The following EFCAB3 variants were observed in gnomAD, a reference collection of about 807,000 sequenced individuals.
The protein encoded by EFCAB3 is EF-hand calcium binding domain 3.
In EFCAB3, 36 loss-of-function variants were observed where a neutral mutation model predicts 42.2. The ratio of observed to expected loss-of-function variants is 0.85; its 90% CI spans 0.65 to 1.13. The LOEUF is 1.13. Ranked by LOEUF, EFCAB3 falls within the 50% of genes most tolerant of loss-of-function variation. The probability of loss-of-function intolerance (pLI) is 0.00; values close to 1 mark genes in which losing one functional copy is unlikely to be tolerated. For missense variants in EFCAB3, 418 were observed against 505.1 expected (o/e 0.83, Z 1.65); for synonymous variants, 170 against 172.8 (o/e 0.98, Z 0.13).
chr17:62,399,634 C>T (rs2070383761), intron 6 of EFCAB3, among the ~76,000 whole-genome samples: 1 of 152,050 alleles, frequency 6.6e-6, no homozygotes, highest in African/African-American at 2.4e-5. Context: ...CTTGCTTTTC[C>T]CTCTATCTGG....
chr17:62,388,785 G>T (rs9896974), intron 3 of EFCAB3, among the ~76,000 whole-genome samples: 1 of 152,098 alleles, frequency 6.6e-6, no homozygotes, highest in African/African-American at 2.4e-5. Flanking sequence ...ATTTCGGTTT[G>T]GAAAACACAA....
intron 4 of EFCAB3, among the ~76,000 whole-genome samples, chr17:62,392,326 G>A (rs1043322684): frequency 6.6e-6 from 1 of 151,422 alleles, no homozygotes; most frequent in African/African-American, 2.4e-5. Context: ...ATGTATGTAT[G>A]TCCCTTTAAG....
intron 2 of EFCAB3, among the ~76,000 whole-genome samples, chr17:62,383,543 T>C (rs1390122406): frequency 1.3e-5 from 2 of 152,150 alleles, no homozygotes; most frequent in African/African-American, 4.8e-5. Flanking sequence ...TCTTCAAATA[T>C]TTATTATATG....
intron 2 of EFCAB3, among the ~76,000 whole-genome samples, chr17:62,374,496 A>G (rs1051887192): frequency 6.6e-6 from 1 of 152,104 alleles, no homozygotes; most frequent in African/African-American, 2.4e-5. Context: ...AATAATCTAA[A>G]GTTCCTTTCT....
chr17:62,381,017 C>T (rs1236234381), intron 1 of EFCAB3, among the ~76,000 whole-genome samples: 1 of 152,026 alleles, frequency 6.6e-6, no homozygotes, highest in Non-Finnish European at 1.5e-5. Flanking sequence ...TATTATTATA[C>T]TTTAAGTTTT....
intron 6 of EFCAB3, among the ~76,000 whole-genome samples, chr17:62,399,457 C>G (rs1001881127): frequency 7.2e-6 from 1 of 138,160 alleles, no homozygotes; most frequent in African/African-American, 2.8e-5. Context: ...CGTGAGCCAC[C>G]GCCTGGCCCC....
chr17:62,391,760 C>A (rs2144078374), intron 3 of EFCAB3, 62 bp from the exon 4 acceptor site: 2 of 1,555,172 alleles, frequency 1.3e-6, no homozygotes, highest in East Asian at 4.5e-5. Flanking sequence ...TGTCCTAGTC[C>A]TATTAGTGTA....
chr17:62,378,921 A>AAT (rs1555570930), upstream of EFCAB3, among the ~76,000 whole-genome samples: 2 of 150,154 alleles, frequency 1.3e-5, no homozygotes, highest in African/African-American at 5.1e-5. Context: ...CTTAAAGTAT[A>AAT]ACAAAAAAAA....
chr17:62,372,417 G>A (rs1468523033), intron 1 of EFCAB3, among the ~76,000 whole-genome samples: 1 of 151,812 alleles, frequency 6.6e-6, no homozygotes, highest in Admixed American at 6.6e-5. Flanking sequence ...AAGAAGCTGG[G>A]ACTACAGGCA....
At chr17:62,393,931 C>T (rs949279574) in intron 5 of EFCAB3, among the ~76,000 whole-genome samples, 3 of 151,270 alleles carry the variant, frequency 2.0e-5, no homozygotes, top group Non-Finnish European at 4.4e-5. Context: ...AATTTGGCTG[C>T]CTTCTATAAT....
At position 62,415,268 on chromosome 17, in the gene EFCAB3, G is replaced by A. The variant is rs530585307; in HGVS notation, c.991-735G>A. ...TGATCCAACATGAAGAGCCAACCAT[G>A]GCACTGTACTGCTTAAAAGTGAACA... On this transcript the variant is annotated intron_variant, in intron 9 of 9. Coordinates refer to ENST00000305286, the MANE Select transcript of EFCAB3 (RefSeq NM_173503.4). Among the ~76,000 whole-genome samples the A allele has an allele frequency of 3.9e-5, 6 of 152,226 alleles. No homozygotes were observed. In the South Asian group the frequency reaches 1.2e-3, roughly 32 times the overall value.
At chr17:62,397,642 C>A in intron 6 of EFCAB3, 1 of 600,438 alleles carries the variant, frequency 1.7e-6, no homozygotes, top group East Asian at 4.0e-5. Flanking sequence ...TCAAGAATAG[C>A]AAGAAAATCA....
rs762424829 is a variant in EFCAB3, at chr17:62,407,020, C to T, written c.683-8C>T. The T allele has an allele frequency of 6.4e-7, 1 of 1,567,004 alleles. No individual in the cohort carries two copies. The highest frequency in any genetic ancestry group is 2.1e-5 in the Admixed American group (1 of 47,752). On this transcript the variant is annotated splice_region_variant and splice_polypyrimidine_tract_variant and intron_variant, in intron 7 of 9. Coordinates refer to ENST00000305286, the MANE Select transcript of EFCAB3 (RefSeq NM_173503.4). ...TTTGTGATACCATTTTTGTTTTTATCTTTTTAGGATGCAATTCCGGTTCAG... is the reference window on the plus strand; with the variant it reads ...TTTGTGATACCATTTTTGTTTTTATTTTTTTAGGATGCAATTCCGGTTCAG...
At chr17:62,398,702 T>TGC (rs2070375176) in intron 6 of EFCAB3, among the ~76,000 whole-genome samples, 1 of 148,794 alleles carries the variant, frequency 6.7e-6, no homozygotes, top group Admixed American at 6.7e-5. Context: ...ATTATATATG[T>TGC]ACACACACAC....
At chr17:62,392,337 G>T (rs1299216042) in intron 4 of EFCAB3, among the ~76,000 whole-genome samples, 1 of 151,438 alleles carries the variant, frequency 6.6e-6, no homozygotes, top group Admixed American at 6.6e-5. Flanking sequence ...TCCCTTTAAG[G>T]AGATCAGTGA....
In EFCAB3 at chr17:62,407,195, A is replaced by G; in HGVS notation, c.850A>G (p.Arg284Gly). 2 of 1,587,710 alleles carry G rather than the reference A, an allele frequency of 1.3e-6. No individual in the cohort carries two copies. Among genetic ancestry groups the G allele is most frequent in the Non-Finnish European group, 1.7e-6 (2 of 1,171,596 alleles). ...HFFEDYFFHK[R>G]DWKTQAANIK... ...CTTTGAGGATTATTTTTTCCATAAA[A>G]GAGACTGGAAAACACAGGTGAGATT... The change falls in exon 8 of 10, where the codon AGA becomes GGA. Residue 284 changes from arginine (R) to glycine (G), a missense_variant. Coordinates refer to ENST00000305286, the MANE Select transcript of EFCAB3 (RefSeq NM_173503.4).
At chr17:62,394,576 C>T (rs1253431326) in intron 5 of EFCAB3, among the ~76,000 whole-genome samples, 2 of 151,942 alleles carry the variant, frequency 1.3e-5, no homozygotes, top group African/African-American at 2.4e-5. Flanking sequence ...GTCATTAATC[C>T]CCTCATGGTT....
intron 3 of EFCAB3, among the ~76,000 whole-genome samples, chr17:62,391,070 AG>A (rs1263709417): frequency 6.6e-6 from 1 of 152,196 alleles, no homozygotes; most frequent in Non-Finnish European, 1.5e-5. Context: ...CAAACATAAC[AG>A]CTTAAAACAA....
intron 2 of EFCAB3, among the ~76,000 whole-genome samples, chr17:62,386,796 TG>T (rs1162125381): frequency 1.3e-5 from 2 of 149,118 alleles, no homozygotes; most frequent in African/African-American, 4.9e-5. Context: ...TTTTGGGGTT[TG>T]TTTTTTTTTG....
Sources: allele counts gnomAD v4.1 joint callset (sites outside exome capture counted in the v4.1 genomes callset), GRCh38; gene constraint gnomAD v4.1.1; transcripts MANE v1.5; gene names NCBI Gene and HGNC (gene_info 2026-07-23, HGNC 2026-07-21).